The following EDIL3 variants were observed in gnomAD, a reference collection of about 807,000 sequenced individuals.
EDIL3 encodes EGF like and discoidin domains 3, also known as EGF-like repeat and discoidin I-like domain-containing protein 3.
Under a neutral mutation model 67.4 loss-of-function variants are expected in EDIL3, and 37 were observed. That is an observed-to-expected ratio of 0.55 (90% CI 0.42 to 0.72). The LOEUF (loss-of-function observed/expected upper bound fraction) is 0.72, where lower values mean the gene tolerates loss of function less well. Ranked by LOEUF, EDIL3 falls within the 30% of genes least tolerant of loss-of-function variation. The pLI is 0.00. For missense variants in EDIL3, 527 were observed against 586.3 expected, an observed-to-expected ratio of 0.90 and a Z score of 1.04; for synonymous variants, 195 against 196.3, an observed-to-expected ratio of 0.99 and a Z score of 0.05.
intron 4 of EDIL3, among the ~76,000 whole-genome samples, chr5:84,159,407 A>T (rs969868606): frequency 1.3e-5 from 2 of 152,064 alleles, no homozygotes; most frequent in Admixed American, 6.6e-5. Context: ...ATCAGAAAAT[A>T]TGATTTATAT....
In EDIL3 at chr5:84,350,519, G is replaced by A. The variant is rs150226741; in HGVS notation, c.67+33789C>T. Among the ~76,000 whole-genome samples, 209 of 152,008 alleles carry A rather than the reference G, an allele frequency of 1.4e-3. 6 individuals are homozygous for A. The East Asian group carries it at 0.037, about 27-fold the overall frequency. ...CTTAAACTTCTAAATCTTGCATATA[G>A]TTCAACCATAGGCCAATCATTTATT... On this transcript the variant is annotated intron_variant, in intron 1 of 10. Transcript: ENST00000296591.
rs186928795 is a variant in EDIL3, at chr5:84,100,251, A to G, written c.651+6398T>C. On this transcript the variant is annotated intron_variant, in intron 6 of 10. Coordinates refer to ENST00000296591, the MANE Select transcript of EDIL3 (RefSeq NM_005711.5). ...ATATATACCCAAAAGATTAGAAATC[A>G]TGCTGCTATAAAGACACATGCACAT... Among the ~76,000 whole-genome samples the G allele has an allele frequency of 3.0e-3, 463 of 152,302 alleles. 3 individuals are homozygous for G. Among genetic ancestry groups the G allele is most frequent in the African/African-American group, 0.01 (434 of 41,568 alleles).
At chr5:84,075,890 G>GCACA (rs10530772) in intron 6 of EDIL3, among the ~76,000 whole-genome samples, 7,921 of 144,904 alleles carry the variant, frequency 0.055, 307 homozygotes, top group African/African-American at 0.098. Flanking sequence ...AAGTGTGCAC[G>GCACA]CACACACACA....
At chr5:84,047,773 T>C (rs945494963) in intron 9 of EDIL3, 1 of 152,096 alleles carries the variant, frequency 6.6e-6, no homozygotes, top group African/African-American at 2.4e-5. Flanking sequence ...CCCTCACATC[T>C]ATATTTTGTA....
chr5:83,943,723 A>G (rs560190626), intron 10 of EDIL3, among the ~76,000 whole-genome samples, 155 bp from the exon 11 acceptor site: 2 of 152,158 alleles, frequency 1.3e-5, no homozygotes, highest in African/African-American at 4.8e-5. Context: ...TTTAATAATA[A>G]TTATTTTAAA....
At chr5:84,314,903 A>G (rs1746478720) in intron 1 of EDIL3, among the ~76,000 whole-genome samples, 1 of 152,144 alleles carries the variant, frequency 6.6e-6, no homozygotes, top group African/African-American at 2.4e-5. Context: ...ACTATTTAAA[A>G]TATAAATATT....
At chr5:84,211,415 C>A (rs1437043115) in intron 3 of EDIL3, among the ~76,000 whole-genome samples, 1 of 152,190 alleles carries the variant, frequency 6.6e-6, no homozygotes, top group East Asian at 1.9e-4. Context: ...GTACAACCTG[C>A]AGAACTATGA....
At chr5:84,223,770 T>C (rs1309034819) in intron 3 of EDIL3, among the ~76,000 whole-genome samples, 1 of 151,420 alleles carries the variant, frequency 6.6e-6, no homozygotes, top group Non-Finnish European at 1.5e-5. Context: ...TTGTCAGTGC[T>C]CTTACCACAC....
intron 1 of EDIL3, among the ~76,000 whole-genome samples, chr5:84,267,039 A>G (rs999941116): frequency 8.5e-5 from 13 of 152,208 alleles, no homozygotes; most frequent in Non-Finnish European, 1.3e-4. Flanking sequence ...ATGAATTGGT[A>G]TAATTTATCC....
At chr5:84,179,700 A>T (rs1748982419) in intron 4 of EDIL3, among the ~76,000 whole-genome samples, 1 of 152,114 alleles carries the variant, frequency 6.6e-6, no homozygotes, top group Non-Finnish European at 1.5e-5. Context: ...CTCAGCTTGC[A>T]TGTGGCAACC....
intron 3 of EDIL3, among the ~76,000 whole-genome samples, chr5:84,220,928 T>C (rs1054082558): frequency 6.1e-5 from 7 of 114,434 alleles, no homozygotes; most frequent in African/African-American, 2.4e-4. Context: ...AATACTAAGA[T>C]AAATTTTCGC....
chr5:84,161,191 A>T (rs532963233), intron 4 of EDIL3, among the ~76,000 whole-genome samples: 1 of 152,126 alleles, frequency 6.6e-6, no homozygotes, highest in South Asian at 2.1e-4. Flanking sequence ...TTTATGTCTG[A>T]GTAGTATTCC....
intron 1 of EDIL3, among the ~76,000 whole-genome samples, chr5:84,367,743 A>C (rs1302567903): frequency 6.6e-6 from 1 of 152,188 alleles, no homozygotes; most frequent in Admixed American, 6.6e-5. Context: ...AGATGGCTCC[A>C]GTGCACTCCA....
At chr5:84,036,744 G>A (rs1434164532) in intron 9 of EDIL3, among the ~76,000 whole-genome samples, 1 of 152,100 alleles carries the variant, frequency 6.6e-6, no homozygotes, top group Non-Finnish European at 1.5e-5. Flanking sequence ...TTCTCATTTA[G>A]AGCTGCTGAG....
intron 2 of EDIL3, among the ~76,000 whole-genome samples, chr5:84,241,074 T>C (rs1200496013): frequency 6.6e-6 from 1 of 152,220 alleles, no homozygotes. Context: ...GGAAGTGATC[T>C]TTCCCCACTT....
At chr5:84,279,335 A>C (rs1745650848) in intron 1 of EDIL3, among the ~76,000 whole-genome samples, 1 of 152,164 alleles carries the variant, frequency 6.6e-6, no homozygotes. Context: ...TCAACATCCC[A>C]GTGACATGCT....
intron 9 of EDIL3, among the ~76,000 whole-genome samples, chr5:84,040,125 G>A (rs945967196): frequency 2.6e-5 from 4 of 152,142 alleles, no homozygotes; most frequent in African/African-American, 7.2e-5. Context: ...TGGCAGAGAA[G>A]GGGTTTGAAC....
chr5:84,133,888 T>G lies in EDIL3; in HGVS notation c.469+3353A>C, dbSNP rs563697986. On this transcript the variant is annotated intron_variant, in intron 5 of 10. Transcript: ENST00000296591. ...TCACATCTAGAAGTCTAAACTGAAA[T>G]TATTTAAATCAGAAATATGTATTAT... Among the ~76,000 whole-genome samples, 3 of 152,208 alleles carry G rather than the reference T, an allele frequency of 2.0e-5. No homozygotes were observed. The East Asian group carries it at 5.8e-4, about 29-fold the overall frequency.
At position 83,999,148 on chromosome 5, in the gene EDIL3, A is replaced by G. The variant is rs531000955; in HGVS notation, c.1138-35788T>C. Among the ~76,000 whole-genome samples, 3 of 152,290 alleles carry G rather than the reference A, an allele frequency of 2.0e-5. 1 individual carries two copies. The South Asian group carries it at 6.2e-4, about 32-fold the overall frequency. ...GATCACAACACTTAATGTTCTTTGAATAATTGGAAAACCTTCCTAAGAAGG... is the reference window on the plus strand; with the variant it reads ...GATCACAACACTTAATGTTCTTTGAGTAATTGGAAAACCTTCCTAAGAAGG... On this transcript the variant is annotated intron_variant, in intron 9 of 10. Transcript: ENST00000296591.
Sources: allele counts gnomAD v4.1 joint callset (sites outside exome capture counted in the v4.1 genomes callset), GRCh38; gene constraint gnomAD v4.1.1; transcripts MANE v1.5; gene names NCBI Gene and HGNC (gene_info 2026-07-23, HGNC 2026-07-21).